AKAP12: variants seen among roughly 807,000 people sequenced by gnomAD.
AKAP12 encodes A-kinase anchoring protein 12, also known as A-kinase anchor protein 12.
Under a neutral mutation model 79.9 loss-of-function variants are expected in AKAP12, and 32 were observed. The observed-to-expected ratio is 0.40, with a 90% CI of 0.30 to 0.54. AKAP12 has a LOEUF of 0.54. Among genes scored for constraint, AKAP12 ranks in the 20% least tolerant of loss-of-function variants. AKAP12 has a pLI of 0.48. For missense variants in AKAP12, 2,074 were observed against 2,177.0 expected, an observed-to-expected ratio of 0.95 and a Z score of 0.94; for synonymous variants, 808 against 857.0, an observed-to-expected ratio of 0.94 and a Z score of 1.00.
At chr6:151,260,752 G>A (rs1797410516) in intron 2 of AKAP12, among the ~76,000 whole-genome samples, 1 of 149,936 alleles carries the variant, frequency 6.7e-6, no homozygotes, top group South Asian at 2.2e-4. Context: ...CAGCACTTTG[G>A]GAGGCCCCCA....
At chr6:151,288,666 C>T (rs1261380837) in intron 2 of AKAP12, among the ~76,000 whole-genome samples, 2 of 152,178 alleles carry the variant, frequency 1.3e-5, no homozygotes, top group African/African-American at 2.4e-5. Context: ...TGGGGTACAG[C>T]TGAACTGCCT....
Position 151,337,487 on chromosome 6 carries a change from G to C in AKAP12, c.320-11224G>C, listed in dbSNP as rs1311175456. 7.8e-4 allele frequency among the ~76,000 whole-genome samples: 108 copies of C among 138,228 alleles called. 1 individual carries two copies. Among genetic ancestry groups the C allele is most frequent in the African/African-American group, 3.1e-3 (104 of 33,590 alleles). The allele number at this position is 138,228 out of a possible 152,430, so 90.7% of individuals were successfully genotyped here. A position where few individuals can be genotyped will look rare whatever the true frequency, so the allele number is the denominator to read the frequency against. ...CCGAGATCGCGCCATTGCACTCCAGGCTGGGCAATAAGAGTTTCCGTCTCG... is the reference window on the plus strand; with the variant it reads ...CCGAGATCGCGCCATTGCACTCCAGCCTGGGCAATAAGAGTTTCCGTCTCG... On this transcript the variant is annotated intron_variant, in intron 3 of 4. Transcript: ENST00000402676.
At chr6:151,273,098 G>T (rs1776222606) in intron 2 of AKAP12, among the ~76,000 whole-genome samples, 1 of 151,938 alleles carries the variant, frequency 6.6e-6, no homozygotes, top group Admixed American at 6.6e-5. Flanking sequence ...TAGTAGAGAT[G>T]GGGTTTCACC....
At chr6:151,322,846 C>A (rs1777432195) in intron 3 of AKAP12, among the ~76,000 whole-genome samples, 2 of 152,064 alleles carry the variant, frequency 1.3e-5, no homozygotes, top group Admixed American at 6.5e-5. Flanking sequence ...AAATATGGAG[C>A]AACAACTTGG....
At chr6:151,271,326 T>C (rs1312107546) in intron 2 of AKAP12, among the ~76,000 whole-genome samples, 1 of 65,272 alleles carries the variant, frequency 1.5e-5, no homozygotes, top group Non-Finnish European at 3.6e-5. Flanking sequence ...ACGAAGAAAC[T>C]TTTTTTTTTT....
chr6:151,319,218 C>G (rs1438864243), intron 3 of AKAP12, among the ~76,000 whole-genome samples: 2 of 151,948 alleles, frequency 1.3e-5, no homozygotes, highest in African/African-American at 4.8e-5. Context: ...GAGTATTTAT[C>G]TTGGATTTTG....
intron 2 of AKAP12, among the ~76,000 whole-genome samples, chr6:151,270,756 T>C (rs187139197): frequency 1.3e-5 from 2 of 152,286 alleles, no homozygotes; most frequent in African/African-American, 4.8e-5. Flanking sequence ...GTGGTTTTGA[T>C]GTGCATTTCC....
At chr6:151,324,434 T>C (rs2248861) in intron 3 of AKAP12, 415,092 of 985,190 alleles carry the variant, frequency 0.42, 95,592 homozygotes, top group African/African-American at 0.88. Context: ...GCCCAAAAAG[T>C]GCAACTACGT....
At chr6:151,319,453 C>CTATT (rs1336941802) in intron 3 of AKAP12, among the ~76,000 whole-genome samples, 2 of 142,750 alleles carry the variant, frequency 1.4e-5, no homozygotes, top group African/African-American at 5.5e-5. Flanking sequence ...GTCTATCTAT[C>CTATT]TATCTATCTA....
chr6:151,294,805 G>C (rs1776690123), intron 2 of AKAP12, among the ~76,000 whole-genome samples: 1 of 152,176 alleles, frequency 6.6e-6, no homozygotes, highest in Non-Finnish European at 1.5e-5. Flanking sequence ...ATAAAGTAGG[G>C]AATACTTGAC....
intron 4 of AKAP12, among the ~76,000 whole-genome samples, chr6:151,354,591 C>T (rs543230152): frequency 9.5e-4 from 143 of 150,902 alleles, no homozygotes; most frequent in African/African-American, 3.2e-3. Flanking sequence ...GCCAGGAGGT[C>T]TCGATCTCCT....
chr6:151,280,239 T>C (rs1216240996), intron 2 of AKAP12, among the ~76,000 whole-genome samples: 1 of 152,048 alleles, frequency 6.6e-6, no homozygotes, highest in Admixed American at 6.6e-5. Flanking sequence ...ATTCTGATGA[T>C]CTCCTATTAC....
chr6:151,353,255 G>C lies in AKAP12; in HGVS notation c.4864G>C (p.Ala1622Pro). The change falls in exon 4 of 5, where the codon GCA becomes CCA. Residue 1622 changes from alanine (A) to proline (P), a missense_variant. This residue lies in a region of AKAP12 where 614 missense variants were observed against 665.6 expected (regional missense o/e 0.92). Coordinates refer to ENST00000402676, the MANE Select transcript of AKAP12 (RefSeq NM_005100.4). ...TSAKEESEST[A>P]VGQAHSDISK... ...AGCCAAAGAGGAGTCAGAGTCAACCGCAGTGGGACAAGCACATTCTGATAT... is the reference window on the plus strand; with the variant it reads ...AGCCAAAGAGGAGTCAGAGTCAACCCCAGTGGGACAAGCACATTCTGATAT... The C allele has an allele frequency of 6.2e-7, 1 of 1,614,154 alleles. No homozygotes were observed. The highest frequency in any genetic ancestry group is 1.1e-5 in the South Asian group (1 of 91,078).
chr6:151,311,122 T>C (rs1777090473), intron 3 of AKAP12, among the ~76,000 whole-genome samples: 1 of 152,228 alleles, frequency 6.6e-6, no homozygotes, highest in African/African-American at 2.4e-5. Flanking sequence ...CATGTGCCAC[T>C]GCGCCAGATA....
At chr6:151,243,457 C>T (rs1797015767) in intron 2 of AKAP12, among the ~76,000 whole-genome samples, 1 of 152,202 alleles carries the variant, frequency 6.6e-6, no homozygotes, top group African/African-American at 2.4e-5. Context: ...TCTGAACAGA[C>T]ATTACACTGG....
chr6:151,273,858 G>A (rs550680347), intron 2 of AKAP12, among the ~76,000 whole-genome samples: 6 of 152,004 alleles, frequency 3.9e-5, no homozygotes, highest in East Asian at 2.0e-4. Context: ...TGAAAACTCC[G>A]TCTCTACTAA....
intron 2 of AKAP12, among the ~76,000 whole-genome samples, chr6:151,243,079 G>T (rs1481979805): frequency 6.6e-6 from 1 of 152,186 alleles, no homozygotes; most frequent in African/African-American, 2.4e-5. Context: ...AGATTTGGGG[G>T]CTTTGGATTC....
intron 3 of AKAP12, chr6:151,325,565 G>T: frequency 7.7e-7 from 1 of 1,300,414 alleles, no homozygotes; most frequent in South Asian, 1.8e-5. Flanking sequence ...CGCTCCCGAA[G>T]TCCTGGAGCT....
At chr6:151,247,199 A>G (rs560563679) in intron 2 of AKAP12, among the ~76,000 whole-genome samples, 2 of 152,050 alleles carry the variant, frequency 1.3e-5, no homozygotes, top group African/African-American at 4.8e-5. Context: ...GAGAAAGTTC[A>G]AGAGTGGCCT....
Sources: gnomAD v4.1 joint callset for allele counts (sites outside exome capture counted in the v4.1 genomes callset) on GRCh38, gnomAD v4.1.1 for gene constraint, gnomAD v4.1.1 regional missense constraint, MANE v1.5 for transcripts, NCBI Gene and HGNC (gene_info 2026-07-23, HGNC 2026-07-21) for gene names.